The following CRB1 variants were observed in gnomAD, a reference collection of about 807,000 sequenced individuals.
CRB1 encodes the protein crumbs cell polarity complex component 1.
A neutral mutation model predicts 120.0 loss-of-function variants in CRB1; 83 were observed. That is an observed-to-expected ratio of 0.69 (90% CI 0.58 to 0.83). The LOEUF is 0.83. Among genes scored for constraint, CRB1 ranks in the 40% least tolerant of loss-of-function variants. The pLI is 0.00. For synonymous variants in CRB1, 625 were observed against 612.5 expected (o/e 1.02, Z -0.30); for missense variants, 1,699 against 1,687.6 (o/e 1.01, Z -0.12).
chr1:197,437,018 C>T (rs996356681), intron 9 of CRB1, among the ~76,000 whole-genome samples: 9 of 152,082 alleles, frequency 5.9e-5, no homozygotes, highest in African/African-American at 2.2e-4. Context: ...TCTTCTAAGT[C>T]ACATTGCTTC....
At chr1:197,428,777 C>T (rs1664724257) in intron 7 of CRB1, among the ~76,000 whole-genome samples, 1 of 152,134 alleles carries the variant, frequency 6.6e-6, no homozygotes, top group Admixed American at 6.5e-5. Context: ...ATTGTTGTCC[C>T]AATTTACATT....
At chr1:197,434,685 A>G in intron 8 of CRB1, 21 bp from the exon 9 acceptor site, 1 of 1,597,302 alleles carries the variant, frequency 6.3e-7, no homozygotes, top group Non-Finnish European at 8.6e-7. Context: ...GTTATTGATT[A>G]TTATCACCTT....
intron 1 of CRB1, among the ~76,000 whole-genome samples, chr1:197,283,895 A>T (rs552244353): frequency 2.0e-4 from 30 of 151,810 alleles, no homozygotes; most frequent in Non-Finnish European, 3.2e-4. Context: ...AAGTAGCTAT[A>T]TATAGACAGA....
the CRB1 span, among the ~76,000 whole-genome samples, chr1:197,252,550 AT>A: frequency 4.0e-5 from 1 of 25,030 alleles, no homozygotes; most frequent in Non-Finnish European, 9.1e-5. Context: ...ATATATATAT[AT>A]ATATATATAT....
intron 2 of CRB1, among the ~76,000 whole-genome samples, chr1:197,329,886 T>C (rs926412905): frequency 6.6e-6 from 1 of 152,194 alleles, no homozygotes; most frequent in African/African-American, 2.4e-5. Context: ...TTTAATACCA[T>C]GTTCTCCCTT....
At chr1:197,403,725 T>C (rs1198828503) in intron 5 of CRB1, among the ~76,000 whole-genome samples, 1 of 152,144 alleles carries the variant, frequency 6.6e-6, no homozygotes, top group Non-Finnish European at 1.5e-5. Flanking sequence ...CAGATCATCC[T>C]AACTTACACA....
At chr1:197,399,782 T>C (rs1232797531) in intron 5 of CRB1, among the ~76,000 whole-genome samples, 1 of 152,130 alleles carries the variant, frequency 6.6e-6, no homozygotes, top group East Asian at 1.9e-4. Context: ...TGTGTGGTTT[T>C]TGGCAGGTAC....
In CRB1 at chr1:197,328,504, C is replaced by A; in HGVS notation, c.153C>A (p.Asp51Glu). 1 of 1,614,162 alleles carries A rather than the reference C, an allele frequency of 6.2e-7. No homozygotes were observed. The highest frequency in any genetic ancestry group is 8.5e-7 in the Non-Finnish European group (1 of 1,180,008). ...NNSTCKDFSK[D>E]NDCSCSDTAN... ...CTACATGCAAAGATTTTTCAAAAGA[C>A]AATGATTGTTCTTGTTCAGACACAG... Residue 51 changes from aspartate to glutamate, a missense_variant, in exon 2 of 12, where the codon GAC becomes GAA. Asp to Glu is a conservative substitution (Grantham distance 45). Coordinates refer to ENST00000367400, the MANE Select transcript of CRB1 (RefSeq NM_201253.3).
rs1212583212 is a variant in CRB1, at chr1:197,435,425, C to T, written c.3562C>T (p.His1188Tyr). ...TGAATGCTTTTCAAACCCCTGTATCCATGGCAACTGCTCTGACAGAGTTGC... is the reference window on the plus strand; with the variant it reads ...TGAATGCTTTTCAAACCCCTGTATCTATGGCAACTGCTCTGACAGAGTTGC... ...IDECFSNPCI[H>Y]GNCSDRVAAY... The change falls in exon 9 of 12, where the codon CAT (histidine) becomes TAT (tyrosine). Residue 1188 changes from histidine to tyrosine, a missense_variant. By Grantham distance (83) the His-to-Tyr change is moderately conservative. Transcript: ENST00000367400. 4.4e-6 allele frequency: 7 copies of T among 1,598,538 alleles called. No individual in the cohort carries two copies. Among genetic ancestry groups the T allele is most frequent in the Non-Finnish European group, 6.0e-6 (7 of 1,171,902 alleles).
chr1:197,301,502 T>C (rs1404677177), intron 1 of CRB1, among the ~76,000 whole-genome samples: 1 of 152,078 alleles, frequency 6.6e-6, no homozygotes, highest in African/African-American at 2.4e-5. Flanking sequence ...TTTTATAAGG[T>C]GAACACTCCG....
the CRB1 span, among the ~76,000 whole-genome samples, chr1:197,261,721 A>G: frequency 6.6e-6 from 1 of 151,270 alleles, no homozygotes. Context: ...ATTTTTCACA[A>G]TAATACATTT....
At chr1:197,456,587 A>G (rs1666296499) in intron 11 of CRB1, among the ~76,000 whole-genome samples, 1 of 152,144 alleles carries the variant, frequency 6.6e-6, no homozygotes, top group Non-Finnish European at 1.5e-5. Context: ...CACACTGTCC[A>G]TTAGGAAAAC....
intron 1 of CRB1, 128 bp from the exon 2 acceptor site, chr1:197,328,292 TCA>T: frequency 2.8e-6 from 2 of 704,608 alleles, no homozygotes; most frequent in Middle Eastern, 4.0e-4. Context: ...CGTAGTTTTT[TCA>T]TTAGGATGAA....
chr1:197,244,575 A>G, the CRB1 span, among the ~76,000 whole-genome samples: 6 of 151,948 alleles, frequency 3.9e-5, no homozygotes, highest in African/African-American at 1.2e-4. Flanking sequence ...TTTCCCTTTC[A>G]TTGATTTCAA....
rs1445877079 is a variant in CRB1 at position 197,421,070 on chromosome 1, C to G, written c.1242C>G (p.Asn414Lys). Reference protein sequence around the residue: ...NPCQNGGTCENLPGNYTCHCP... With the variant: ...NPCQNGGTCEKLPGNYTCHCP... Reference sequence around the variant, plus strand: ...GCCAAAATGGTGGTACTTGTGAGAACTTGCCTGGGAATTATACTTGCCATT... The same window carrying G: ...GCCAAAATGGTGGTACTTGTGAGAAGTTGCCTGGGAATTATACTTGCCATT... Residue 414 changes from asparagine to lysine, a missense_variant, in exon 6 of 12, where the codon AAC becomes AAG. Asn to Lys is a moderately conservative substitution (Grantham distance 94, BLOSUM62 0). Transcript: ENST00000367400. 6.2e-7 allele frequency: 1 copy of G among 1,614,198 alleles called. No homozygotes were observed. The highest frequency in any genetic ancestry group is 8.5e-7 in the Non-Finnish European group (1 of 1,180,046).
At chr1:197,345,258 G>A (rs972509181) in intron 3 of CRB1, among the ~76,000 whole-genome samples, 2 of 152,120 alleles carry the variant, frequency 1.3e-5, no homozygotes, top group African/African-American at 4.8e-5. Context: ...TTCTTCGACA[G>A]CTCAGTGGAA....
chr1:197,325,881 C>T (rs536905039), intron 1 of CRB1, among the ~76,000 whole-genome samples: 14 of 152,126 alleles, frequency 9.2e-5, no homozygotes, highest in African/African-American at 3.1e-4. Flanking sequence ...GTTTTATCTA[C>T]GCCTCCTTCC....
Position 197,435,095 on chromosome 1 carries a change from A to G in CRB1, c.3232A>G (p.Thr1078Ala), listed in dbSNP as rs535366722. 4.3e-6 allele frequency: 7 copies of G among 1,613,958 alleles called. No individual in the cohort carries two copies. Among genetic ancestry groups the G allele is most frequent in the Middle Eastern group, 1.7e-4 (1 of 6,060 alleles). ...AAGCCTCAACTTTTTGAAGGATAAT[A>G]CAGATATTTATGTGGGAGACAGAGC... ...TGSLNFLKDN[T>A]DIYVGDRAID... Residue 1078 changes from threonine to alanine, a missense_variant, in exon 9 of 12, where the codon ACA becomes GCA. Transcript: ENST00000367400.
At chr1:197,287,789 C>T (rs1009187) in intron 1 of CRB1, among the ~76,000 whole-genome samples, 1,990 of 151,984 alleles carry the variant, frequency 0.013, 24 homozygotes, top group Non-Finnish European at 0.022. Flanking sequence ...CAAATCCATA[C>T]ATTACATTTT....
Sources: gnomAD v4.1 joint callset for allele counts (sites outside exome capture counted in the v4.1 genomes callset) on GRCh38, gnomAD v4.1.1 for gene constraint, MANE v1.5 for transcripts, NCBI Gene and HGNC (gene_info 2026-07-23, HGNC 2026-07-21) for gene names.